Variants in TRPM3 observed in about 807,000 individuals in gnomAD.
TRPM3 encodes transient receptor potential cation channel subfamily M member 3.
In TRPM3, 77 loss-of-function variants were observed where a neutral mutation model predicts 181.2. The ratio of observed to expected loss-of-function variants is 0.42; its 90% CI spans 0.35 to 0.51. The LOEUF is 0.51. Ranked by LOEUF, TRPM3 falls within the 20% of genes least tolerant of loss-of-function variation. The probability of loss-of-function intolerance (pLI) is 0.01; values close to 1 mark genes in which losing one functional copy is unlikely to be tolerated. For synonymous variants in TRPM3, 745 were observed against 796.4 expected, an observed-to-expected ratio of 0.94 and a Z score of 1.09; for missense variants, 1,759 against 2,196.7, an observed-to-expected ratio of 0.80 and a Z score of 3.98.
Position 71,397,793 on chromosome 9 carries a change from A to G in TRPM3, c.183+48860T>C, listed in dbSNP as rs2133000071. Among the ~76,000 whole-genome samples, 3 of 3,060 alleles carry G rather than the reference A, an allele frequency of 9.8e-4. No individual in the cohort carries two copies. The South Asian group carries it at 0.38, about 383-fold the overall frequency. 2.0% of individuals were successfully genotyped at this position (3,060 alleles called of 152,430 possible). A position where few individuals can be genotyped will look rare whatever the true frequency, so the allele number is the denominator to read the frequency against. ...AGAAAAAGAAAAAGATGAAGAGTCT[A>G]CATTATATTTCCAGAATATTGGGTA... On this transcript the variant is annotated intron_variant, in intron 1 of 24. Transcript: ENST00000357533.
chr9:71,344,065 C>T (rs1273036732), intron 1 of TRPM3, among the ~76,000 whole-genome samples: 1 of 136,474 alleles, frequency 7.3e-6, no homozygotes, highest in African/African-American at 2.6e-5. Context: ...GATAGATAAA[C>T]TGAAGAGGAG....
chr9:71,440,927 C>T (rs2094127885), intron 1 of TRPM3, among the ~76,000 whole-genome samples: 1 of 152,156 alleles, frequency 6.6e-6, no homozygotes, highest in Admixed American at 6.5e-5. Context: ...TTTAATGATT[C>T]CATTGTTTTT....
intron 1 of TRPM3, among the ~76,000 whole-genome samples, chr9:71,171,036 C>G (rs536570625): frequency 1.1e-4 from 17 of 152,130 alleles, no homozygotes; most frequent in Admixed American, 3.3e-4. Flanking sequence ...AACAGCCCCC[C>G]CCAGGTGCTC....
At chr9:71,170,901 C>G (rs928984855) in intron 1 of TRPM3, among the ~76,000 whole-genome samples, 4 of 152,124 alleles carry the variant, frequency 2.6e-5, no homozygotes, top group African/African-American at 9.7e-5. Flanking sequence ...CACTGGTGAG[C>G]TGGGCAGAAC....
At position 70,537,980 on chromosome 9, in the gene TRPM3, TG is replaced by T. The variant is rs374519013; in HGVS notation, c.3708-576del. Among the ~76,000 whole-genome samples the T allele has an allele frequency of 5.9e-5, 9 of 152,376 alleles. No homozygotes were observed. In the South Asian group the frequency reaches 1.9e-3, roughly 32 times the overall value. On this transcript the variant is annotated intron_variant, in intron 25 of 25. Transcript: ENST00000677713. ...TATTTTGCATTTATACAATAATTTT[TG>T]TTATTCATGATAATCTTTTTAGAAT...
At chr9:70,963,449 G>C (rs1249727695) in intron 1 of TRPM3, among the ~76,000 whole-genome samples, 3 of 152,122 alleles carry the variant, frequency 2.0e-5, no homozygotes, top group African/African-American at 7.2e-5. Context: ...GAATTCAAGA[G>C]AGTGGCTAAT....
intron 1 of TRPM3, among the ~76,000 whole-genome samples, chr9:71,257,273 G>A (rs761902271): frequency 2.6e-5 from 4 of 152,152 alleles, no homozygotes; most frequent in African/African-American, 4.8e-5. Context: ...AAAGGATAGG[G>A]AAGAGAGTTG....
At chr9:70,551,401 C>A (rs1296488521) in intron 24 of TRPM3, among the ~76,000 whole-genome samples, 3 of 152,206 alleles carry the variant, frequency 2.0e-5, no homozygotes, top group Non-Finnish European at 2.9e-5. Context: ...CATCCAGTAA[C>A]CTGGCAATGC....
intron 6 of TRPM3, among the ~76,000 whole-genome samples, chr9:70,794,976 TAC>T (rs1159719016): frequency 9.2e-5 from 14 of 152,334 alleles, no homozygotes; most frequent in African/African-American, 3.1e-4. Context: ...ACTGAATACA[TAC>T]AGACATTTTT....
intron 1 of TRPM3, among the ~76,000 whole-genome samples, chr9:71,311,222 A>T (rs1299699446): frequency 6.6e-6 from 1 of 152,132 alleles, no homozygotes; most frequent in Non-Finnish European, 1.5e-5. Flanking sequence ...CTCACTAAGG[A>T]ATTTTTCTGT....
intron 1 of TRPM3, among the ~76,000 whole-genome samples, chr9:71,396,632 A>G (rs2093202003): frequency 6.6e-6 from 1 of 151,980 alleles, no homozygotes; most frequent in Non-Finnish European, 1.5e-5. Flanking sequence ...TAAAAAGTTA[A>G]AAGTCGAACT....
At chr9:70,669,774 C>T (rs2062571868) in intron 9 of TRPM3, among the ~76,000 whole-genome samples, 1 of 147,980 alleles carries the variant, frequency 6.8e-6, no homozygotes, top group Non-Finnish European at 1.5e-5. Context: ...GACAGCATCT[C>T]CCTTTGTTGC....
At chr9:71,410,318 C>T (rs2093521187) in intron 1 of TRPM3, among the ~76,000 whole-genome samples, 1 of 151,312 alleles carries the variant, frequency 6.6e-6, no homozygotes, top group Admixed American at 6.6e-5. Context: ...TCAATGAATC[C>T]AGGAGCTGGT....
intron 6 of TRPM3, among the ~76,000 whole-genome samples, chr9:70,795,085 T>C (rs1401223213): frequency 6.6e-6 from 1 of 152,210 alleles, no homozygotes; most frequent in Non-Finnish European, 1.5e-5. Context: ...TTATTTAAGA[T>C]ATCTGGAAGG....
chr9:71,346,438 C>A (rs114049431), intron 1 of TRPM3, among the ~76,000 whole-genome samples: 96 of 152,236 alleles, frequency 6.3e-4, no homozygotes, highest in African/African-American at 2.3e-3. Flanking sequence ...TAAAATAATG[C>A]AAGTACAAAA....
Position 70,535,570 on chromosome 9 carries a change from A to G in TRPM3, c.*383T>C. 1 of 1,523,130 alleles carries G rather than the reference A, an allele frequency of 6.6e-7. No homozygotes were observed. Among genetic ancestry groups the G allele is most frequent in the Non-Finnish European group, 8.8e-7 (1 of 1,138,034 alleles). 94.4% of individuals were successfully genotyped at this position (1,523,130 alleles called of 1,614,324 possible). ...TTTGCAATTTAGCCCTGCATCCTAC[A>G]ACTCTTGATAATGGTCAGAAATCAA... On this transcript the variant is annotated 3_prime_UTR_variant, in exon 26 of 26. Transcript: ENST00000677713.
intron 1 of TRPM3, among the ~76,000 whole-genome samples, chr9:71,328,835 C>G (rs538398490): frequency 6.6e-6 from 1 of 152,208 alleles, no homozygotes; most frequent in Non-Finnish European, 1.5e-5. Flanking sequence ...AAGTCCCATT[C>G]GTATTATAAC....
At chr9:71,054,209 C>T (rs562079644) in intron 1 of TRPM3, among the ~76,000 whole-genome samples, 2 of 152,080 alleles carry the variant, frequency 1.3e-5, no homozygotes, top group Admixed American at 1.3e-4. Context: ...CCCAAGACCA[C>T]CCAGTGGTTG....
chr9:70,872,066 A>G (rs553930875), intron 1 of TRPM3, among the ~76,000 whole-genome samples: 1 of 152,158 alleles, frequency 6.6e-6, no homozygotes, highest in Admixed American at 6.5e-5. Context: ...AACCGCATCA[A>G]CTAAAGAGCA....
Sources: allele counts gnomAD v4.1 joint callset (sites outside exome capture counted in the v4.1 genomes callset), GRCh38; gene constraint gnomAD v4.1.1; transcripts MANE v1.5; gene names NCBI Gene and HGNC (gene_info 2026-07-23, HGNC 2026-07-21).